RBM44: variants seen among roughly 807,000 people sequenced by gnomAD.
RBM44 encodes the protein RNA binding motif protein 44.
In RBM44, 66 loss-of-function variants were observed where a neutral mutation model predicts 105.1. The ratio of observed to expected loss-of-function variants is 0.63; its 90% CI spans 0.52 to 0.77. The LOEUF is 0.77. Among genes scored for constraint, RBM44 ranks in the 30% least tolerant of loss-of-function variants. The pLI, the probability that RBM44 is intolerant of heterozygous loss-of-function variation, is 0.00. For missense variants in RBM44, 1,122 were observed against 1,207.8 expected, an observed-to-expected ratio of 0.93 and a Z score of 1.05; for synonymous variants, 365 against 417.6, an observed-to-expected ratio of 0.87 and a Z score of 1.54.
At chr2:237,804,926 G>T (rs2061583138) in intron 1 of RBM44, among the ~76,000 whole-genome samples, 1 of 152,132 alleles carries the variant, frequency 6.6e-6, no homozygotes, top group Non-Finnish European at 1.5e-5. Flanking sequence ...TTCCTCCTGA[G>T]AACTGGAACA....
At chr2:237,825,579 A>G (rs1276451280) in intron 10 of RBM44, among the ~76,000 whole-genome samples, 1 of 152,098 alleles carries the variant, frequency 6.6e-6, no homozygotes. Context: ...ACAATACTGT[A>G]TGGTTTGCTT....
chr2:237,821,277 TA>T lies in RBM44; in HGVS notation c.2097+29del. Reference sequence around the variant, plus strand: ...AGGGTATGTATATATGTTTTAGAAATAAAAAATTTTACTTCATTTAGACAAA... The same window carrying T: ...AGGGTATGTATATATGTTTTAGAAATAAAAATTTTACTTCATTTAGACAAA... On this transcript the variant is annotated intron_variant, in intron 6 of 15. Coordinates refer to ENST00000316997, the MANE Select transcript of RBM44 (RefSeq NM_001080504.3). The T allele has an allele frequency of 1.9e-6, 3 of 1,556,064 alleles. No homozygotes were observed. The South Asian group carries it at 3.6e-5, about 19-fold the overall frequency.
In RBM44 at chr2:237,817,444, A is replaced by G. The variant is rs752530589; in HGVS notation, c.525A>G (p.Thr175=). ...ATTATAGAGAAAGTGCTGAAGATAC[A>G]CAAAAGCATGATACAGATGAAGACT... The part of the protein sequence containing the change: ...DANYRESAED[T]QKHDTDEDSQ... Residue 175 remains threonine, a synonymous_variant, in exon 3 of 16, where the codon ACA becomes ACG. Transcript: ENST00000316997. 74 of 1,599,316 alleles carry G rather than the reference A, an allele frequency of 4.6e-5. No homozygotes were observed. The highest frequency in any genetic ancestry group is 6.1e-5 in the Non-Finnish European group (72 of 1,172,032).
intron 9 of RBM44, 79 bp downstream of exon 9, chr2:237,823,633 T>A: frequency 1.6e-6 from 1 of 643,722 alleles, no homozygotes; most frequent in Non-Finnish European, 2.7e-6. Flanking sequence ...GTTTATTCAT[T>A]AAATAAAAAT....
chr2:237,820,421 T>C, intron 5 of RBM44, 70 bp downstream of exon 5: 1 of 937,264 alleles, frequency 1.1e-6, no homozygotes, highest in Non-Finnish European at 1.5e-6. Context: ...TCTAGAGAGT[T>C]TCTCTAATTT....
In RBM44 at chr2:237,824,203, C is replaced by T. The variant is rs1300291085; in HGVS notation, c.2321-88C>T. 29 of 1,262,244 alleles carry T rather than the reference C, an allele frequency of 2.3e-5. No homozygotes were observed. The Admixed American group carries it at 3.2e-4, about 14-fold the overall frequency. The allele number at this position is 1,262,244 out of a possible 1,614,324, so 78.2% of individuals were successfully genotyped here. ...TACATAAAACTCTAGTAGTCATCAT[C>T]GTACTGATTCATCCATGGTTTTAAG... On this transcript the variant is annotated intron_variant, in intron 9 of 15. Coordinates refer to ENST00000316997, the MANE Select transcript of RBM44 (RefSeq NM_001080504.3).
In RBM44 at chr2:237,818,886, A is replaced by T. The variant is rs2061752228; in HGVS notation, c.1678-15A>T. On this transcript the variant is annotated splice_polypyrimidine_tract_variant and intron_variant, in intron 3 of 15. Coordinates refer to ENST00000316997, the MANE Select transcript of RBM44 (RefSeq NM_001080504.3). The surrounding 1 kb of genome is among the most constrained non-coding windows in gnomAD (Gnocchi z 4.6). ...ATATAACTTTTTTAAATTTAATTTT[A>T]AATCATATTTTCAGGATTTCCTGGA... 7.4e-7 allele frequency: 1 copy of T among 1,353,384 alleles called. No homozygotes were observed. Among genetic ancestry groups the T allele is most frequent in the Non-Finnish European group, 1.0e-6 (1 of 980,358 alleles). 83.8% of individuals were successfully genotyped at this position (1,353,384 alleles called of 1,614,324 possible).
chr2:237,818,256 T>C lies in RBM44; in HGVS notation c.1337T>C (p.Ile446Thr), dbSNP rs967238225. Residue 446 changes from isoleucine to threonine, a missense_variant, in exon 3 of 16, where the codon ATA (isoleucine) becomes ACA (threonine). Coordinates refer to ENST00000316997, the MANE Select transcript of RBM44 (RefSeq NM_001080504.3). This position sits in a 1 kb window ranked among gnomAD's most constrained non-coding sequence, Gnocchi z 4.6. Reference sequence around the variant, plus strand: ...ACAAAGAAAACATGCTTTCACAATATAGGAGAAATGTGTACTAAATCATTG... The same window carrying C: ...ACAAAGAAAACATGCTTTCACAATACAGGAGAAATGTGTACTAAATCATTG... The part of the protein sequence containing the change: ...STTKKTCFHN[I>T]GEMCTKSLTD... The C allele has an allele frequency of 6.2e-7, 1 of 1,613,014 alleles. No homozygotes were observed. Among genetic ancestry groups the C allele is most frequent in the African/African-American group, 1.3e-5 (1 of 74,874 alleles).
chr2:237,828,092 G>A (rs1168693138), intron 12 of RBM44, among the ~76,000 whole-genome samples: 3 of 152,092 alleles, frequency 2.0e-5, no homozygotes, highest in Non-Finnish European at 4.4e-5. Flanking sequence ...TATATTTTAG[G>A]TAGACAGCTA....
chr2:237,808,835 C>T (rs547505436), intron 1 of RBM44, among the ~76,000 whole-genome samples: 43 of 152,264 alleles, frequency 2.8e-4, no homozygotes, highest in Middle Eastern at 3.4e-3. Context: ...TATATTAAAA[C>T]GCTATACTTT....
chr2:237,807,685 G>A (rs1037465626), intron 1 of RBM44, among the ~76,000 whole-genome samples: 2 of 152,226 alleles, frequency 1.3e-5, no homozygotes, highest in Non-Finnish European at 2.9e-5. Flanking sequence ...CGGGTGATCA[G>A]AGGTGAGACC....
At chr2:237,801,686 T>C (rs1368359487) in intron 1 of RBM44, among the ~76,000 whole-genome samples, 1 of 152,204 alleles carries the variant, frequency 6.6e-6, no homozygotes, top group Non-Finnish European at 1.5e-5. Flanking sequence ...GAAGAAGGAA[T>C]GACTCTTAAC....
At position 237,834,151 on chromosome 2, in the gene RBM44, C is replaced by T. The variant is rs768098560; in HGVS notation, c.3032+9C>T. 6 of 1,548,464 alleles carry T rather than the reference C, an allele frequency of 3.9e-6. No individual in the cohort carries two copies. The highest frequency in any genetic ancestry group is 1.2e-5 in the South Asian group (1 of 81,624). ...CATCCAGAAGTCAGCAGGTAATAAC[C>T]AAAATTATATTTTAACTGCTTTAAA... On this transcript the variant is annotated intron_variant, in intron 14 of 15. Transcript: ENST00000316997.
Position 237,823,574 on chromosome 2 carries a change from A to G in RBM44, c.2320+20A>G. The G allele has an allele frequency of 9.2e-7, 1 of 1,088,608 alleles. No homozygotes were observed. The highest frequency in any genetic ancestry group is 1.4e-6 in the Non-Finnish European group (1 of 729,888). 67.4% of individuals were successfully genotyped at this position (1,088,608 alleles called of 1,614,324 possible). Reference sequence around the variant, plus strand: ...ATAAAGGTTAGTATAAAAATGTGTTATCTTGTATAGTTGCTGGAAAACAAA... The same window carrying G: ...ATAAAGGTTAGTATAAAAATGTGTTGTCTTGTATAGTTGCTGGAAAACAAA... On this transcript the variant is annotated intron_variant, in intron 9 of 15. Coordinates refer to ENST00000316997, the MANE Select transcript of RBM44 (RefSeq NM_001080504.3).
rs2061814910 is a variant in RBM44, at chr2:237,823,428, C to T, written c.2206-12C>T. On this transcript the variant is annotated splice_polypyrimidine_tract_variant and intron_variant, in intron 8 of 15. Transcript: ENST00000316997. ...TGCCCTTATTTATTGTTTTTATTAT[C>T]TTAATCCTCAGATGTCTTTATCATC... is the stretch of plus-strand genomic sequence containing the variant. 9 of 1,205,584 alleles carry T rather than the reference C, an allele frequency of 7.5e-6. No individual in the cohort carries two copies. The highest frequency in any genetic ancestry group is 1.1e-5 in the Non-Finnish European group (9 of 840,510). 74.7% of individuals were successfully genotyped at this position (1,205,584 alleles called of 1,614,324 possible).
At chr2:237,831,838 A>T (rs1166839502) in intron 13 of RBM44, among the ~76,000 whole-genome samples, 1 of 151,310 alleles carries the variant, frequency 6.6e-6, no homozygotes, top group Non-Finnish European at 1.5e-5. Context: ...CATGTGTGGG[A>T]TTGATTTGTT....
chr2:237,817,289 G>C lies in RBM44; in HGVS notation c.370G>C (p.Glu124Gln). 1 of 1,606,154 alleles carries C rather than the reference G, an allele frequency of 6.2e-7. No individual in the cohort carries two copies. Among genetic ancestry groups the C allele is most frequent in the Non-Finnish European group, 8.5e-7 (1 of 1,175,722 alleles). ...TTATTCAGAGTCAAAACTAAAGAAG[G>C]AAAGTCTTACTCCTTTAAGTTCAGA... ...IPYSESKLKKESLTPLSSELD... is the reference protein window; with the variant it reads ...IPYSESKLKKQSLTPLSSELD... The change falls in exon 3 of 16, where the codon GAA becomes CAA. Residue 124 changes from glutamate (E) to glutamine (Q), a missense_variant. Glu to Gln is a conservative substitution (Grantham distance 29, BLOSUM62 2). Transcript: ENST00000316997.
At chr2:237,834,214 G>A in intron 14 of RBM44, 64 bp from the exon 15 acceptor site, 1 of 1,522,212 alleles carries the variant, frequency 6.6e-7, no homozygotes, top group African/African-American at 1.4e-5. Flanking sequence ...TAATAACTTA[G>A]ATATATTCAG....
intron 2 of RBM44, among the ~76,000 whole-genome samples, chr2:237,816,010 T>G (rs1354960573): frequency 6.6e-6 from 1 of 152,154 alleles, no homozygotes; most frequent in African/African-American, 2.4e-5. Flanking sequence ...ATAAAGGGCC[T>G]TTTTCAGTTG....
Sources: allele counts gnomAD v4.1 joint callset (sites outside exome capture counted in the v4.1 genomes callset), GRCh38; gene constraint gnomAD v4.1.1; non-coding constraint Gnocchi (gnomAD v3.1); transcripts MANE v1.5; gene names NCBI Gene and HGNC (gene_info 2026-07-23, HGNC 2026-07-21).